Variants in CACNA1C observed in about 807,000 individuals in gnomAD.
The protein encoded by CACNA1C is calcium voltage-gated channel subunit alpha1 C.
In CACNA1C, 30 loss-of-function variants were observed where a neutral mutation model predicts 229.0. That is an observed-to-expected ratio of 0.13 (90% CI 0.10 to 0.18). The LOEUF (loss-of-function observed/expected upper bound fraction) is 0.18, where lower values mean the gene tolerates loss of function less well. Among genes scored for constraint, CACNA1C ranks in the 10% least tolerant of loss-of-function variants. CACNA1C has a pLI of 1.00. For missense variants in CACNA1C, 1,658 were observed against 2,845.0 expected (o/e 0.58, Z 9.49); for synonymous variants, 1,114 against 1,132.5 (o/e 0.98, Z 0.33).
chr12:2,597,598 T>C lies in CACNA1C; in HGVS notation c.2853+309T>C. ...TTTCTGTTTCTTTCACTCTCTCTTT[T>C]CTTTACTCCCAAGCCTGAAATTGGA... is the stretch of plus-strand genomic sequence containing the variant. On this transcript the variant is annotated intron_variant, in intron 21 of 46. Transcript: ENST00000399655. The surrounding 1 kb of genome is among the most constrained non-coding windows in gnomAD (Gnocchi z 4.3). 1 of 842,426 alleles carries C rather than the reference T, an allele frequency of 1.2e-6. No homozygotes were observed. The highest frequency in any genetic ancestry group is 1.4e-5 in the South Asian group (1 of 70,288). The allele number at this position is 842,426 out of a possible 1,614,324, so 52.2% of individuals were successfully genotyped here.
At chr12:2,372,491 C>G (rs1018489138) in intron 3 of CACNA1C, among the ~76,000 whole-genome samples, 1 of 152,170 alleles carries the variant, frequency 6.6e-6, no homozygotes, top group African/African-American at 2.4e-5. Flanking sequence ...TCTTTGATCT[C>G]CAGTTAATCC....
intron 3 of CACNA1C, among the ~76,000 whole-genome samples, chr12:2,244,725 G>A (rs940993088): frequency 2.0e-5 from 3 of 152,212 alleles, no homozygotes; most frequent in Non-Finnish European, 2.9e-5. Flanking sequence ...AGTGCCTCAC[G>A]TGGACTCCCC....
At chr12:2,109,475 G>T (rs930740472) in intron 1 of CACNA1C, among the ~76,000 whole-genome samples, 6 of 152,214 alleles carry the variant, frequency 3.9e-5, no homozygotes, top group African/African-American at 1.4e-4. Context: ...AGCTGAGCAT[G>T]TCTGAGGCAT....
chr12:2,499,665 G>C (rs1328703528), intron 7 of CACNA1C, among the ~76,000 whole-genome samples: 1 of 152,064 alleles, frequency 6.6e-6, no homozygotes, highest in Non-Finnish European at 1.5e-5. Flanking sequence ...CCAGTACTTG[G>C]GCCTGGAGGC....
At chr12:2,628,341 T>C (rs1282516038) in intron 29 of CACNA1C, among the ~76,000 whole-genome samples, 1 of 152,204 alleles carries the variant, frequency 6.6e-6, no homozygotes, top group Non-Finnish European at 1.5e-5. Flanking sequence ...AACTCGAGTC[T>C]TACAAAATGC....
At position 2,647,053 on chromosome 12, in the gene CACNA1C, G is replaced by GA. The variant is rs1020932323; in HGVS notation, c.3913-1412dup. ...AAAGGGCATCCTACCAACTAGCTATGAAAAAAAAAAGAATTTGCTGAGAAA... is the reference window on the plus strand; with the variant it reads ...AAAGGGCATCCTACCAACTAGCTATGAAAAAAAAAAAGAATTTGCTGAGAAA... On this transcript the variant is annotated intron_variant, in intron 30 of 46. Coordinates refer to ENST00000399655, the MANE Select transcript of CACNA1C (RefSeq NM_000719.7). This position sits in a 1 kb window ranked among gnomAD's most constrained non-coding sequence, Gnocchi z 4.2. Among the ~76,000 whole-genome samples, 279 of 147,646 alleles carry GA rather than the reference G, an allele frequency of 1.9e-3. 1 individual carries two copies. The highest frequency in any genetic ancestry group is 0.01 in the Middle Eastern group (3 of 290).
chr12:2,432,744 C>G (rs1416034868), intron 3 of CACNA1C, among the ~76,000 whole-genome samples: 1 of 152,148 alleles, frequency 6.6e-6, no homozygotes, highest in Non-Finnish European at 1.5e-5. Flanking sequence ...GTTCTGTGGC[C>G]TTGAGCAGGT....
chr12:2,338,476 A>G (rs1284798467), intron 3 of CACNA1C, among the ~76,000 whole-genome samples: 1 of 151,206 alleles, frequency 6.6e-6, no homozygotes, highest in African/African-American at 2.4e-5. Context: ...CATACCAGAA[A>G]TGTCCCCCCA....
intron 7 of CACNA1C, among the ~76,000 whole-genome samples, chr12:2,496,083 T>C (rs555969619): frequency 3.3e-5 from 5 of 152,268 alleles, no homozygotes; most frequent in African/African-American, 1.2e-4. Flanking sequence ...TTTGTAAATA[T>C]AAAAATACCC....
chr12:2,155,373 CT>C lies in CACNA1C; in HGVS notation c.477+34946del, dbSNP rs1431276783. ...TTTGTCACTTAGACACACAATTTTACTTTGCTTGGGCTTCAGTTTCCCTATA... is the reference window on the plus strand; with the variant it reads ...TTTGTCACTTAGACACACAATTTTACTTGCTTGGGCTTCAGTTTCCCTATA... On this transcript the variant is annotated intron_variant, in intron 3 of 46. Coordinates refer to ENST00000399655, the MANE Select transcript of CACNA1C (RefSeq NM_000719.7). Among the ~76,000 whole-genome samples, 16 of 152,004 alleles carry C rather than the reference CT, an allele frequency of 1.1e-4. 2 individuals are homozygous for C. Among genetic ancestry groups the C allele is most frequent in the Admixed American group, 7.9e-4 (12 of 15,264 alleles).
chr12:2,667,208 A>G (rs937324475), intron 37 of CACNA1C, among the ~76,000 whole-genome samples: 4 of 116,350 alleles, frequency 3.4e-5, no homozygotes, highest in East Asian at 2.5e-4. Context: ...CACTTTAATC[A>G]GATTCCTTAG....
chr12:2,015,005 T>G (rs1593706295), intron 1 of CACNA1C, among the ~76,000 whole-genome samples: 1 of 152,108 alleles, frequency 6.6e-6, no homozygotes, highest in East Asian at 1.9e-4. Context: ...CCACCAGTAG[T>G]TTTTACCTGC....
chr12:2,042,994 T>C (rs186432247), intron 1 of CACNA1C, among the ~76,000 whole-genome samples: 9 of 152,266 alleles, frequency 5.9e-5, no homozygotes, highest in Admixed American at 5.2e-4. Context: ...GAGGAAGACG[T>C]GTTTTGGGGT....
chr12:2,588,209 G>C (rs963212182), intron 18 of CACNA1C, among the ~76,000 whole-genome samples: 1 of 152,094 alleles, frequency 6.6e-6, no homozygotes, highest in Non-Finnish European at 1.5e-5. Context: ...TTGTTCTCCC[G>C]AACCACGAAT....
chr12:2,445,026 G>A (rs1019282228), intron 3 of CACNA1C, among the ~76,000 whole-genome samples: 6 of 152,096 alleles, frequency 3.9e-5, no homozygotes, highest in Admixed American at 2.0e-4. Context: ...TGCTCCTGCC[G>A]GGCCCTCCAG....
At chr12:2,055,139 A>G (rs527475273) in intron 1 of CACNA1C, among the ~76,000 whole-genome samples, 2 of 152,232 alleles carry the variant, frequency 1.3e-5, no homozygotes, top group Non-Finnish European at 2.9e-5. Context: ...TGGGGTCACA[A>G]GGGCAGTATC....
intron 3 of CACNA1C, among the ~76,000 whole-genome samples, chr12:2,136,384 C>T (rs930907689): frequency 1.3e-5 from 2 of 151,450 alleles, no homozygotes; most frequent in African/African-American, 4.8e-5. Flanking sequence ...AATGAACTAA[C>T]TTGCCCAAGT....
chr12:2,090,281 G>C (rs188647826), intron 1 of CACNA1C, among the ~76,000 whole-genome samples: 26 of 143,712 alleles, frequency 1.8e-4, no homozygotes, highest in African/African-American at 5.6e-4. Flanking sequence ...TTTAAAGGCT[G>C]AATAATAGTC....
intron 13 of CACNA1C, among the ~76,000 whole-genome samples, chr12:2,568,437 C>T (rs926848290): frequency 6.6e-6 from 1 of 152,086 alleles, no homozygotes; most frequent in African/African-American, 2.4e-5. Flanking sequence ...ATAGGATTAC[C>T]CTCTCATCCA....
Sources: gnomAD v4.1 joint callset for allele counts (sites outside exome capture counted in the v4.1 genomes callset) on GRCh38, gnomAD v4.1.1 for gene constraint, Gnocchi (gnomAD v3.1) non-coding constraint, MANE v1.5 for transcripts, NCBI Gene and HGNC (gene_info 2026-07-23, HGNC 2026-07-21) for gene names.